Variants in HDAC5 observed in about 807,000 individuals in gnomAD.
The protein encoded by HDAC5 is antigen NY-CO-9.
In HDAC5, 25 loss-of-function variants were observed where a neutral mutation model predicts 133.3. The ratio of observed to expected loss-of-function variants is 0.19; its 90% CI spans 0.14 to 0.26. The LOEUF is 0.26. Ranked by LOEUF, HDAC5 falls within the 10% of genes least tolerant of loss-of-function variation. HDAC5 has a pLI of 1.00. For synonymous variants in HDAC5, 589 were observed against 610.8 expected, an observed-to-expected ratio of 0.96 and a Z score of 0.53; for missense variants, 1,041 against 1,460.5, an observed-to-expected ratio of 0.71 and a Z score of 4.68.
At position 44,083,435 on chromosome 17, in the gene HDAC5, G is replaced by A. The variant is rs546047108; in HGVS notation, c.2463+110C>T. 21 of 727,654 alleles carry A rather than the reference G, an allele frequency of 2.9e-5. No homozygotes were observed. The East Asian group carries it at 5.2e-4, about 18-fold the overall frequency. The allele number at this position is 727,654 out of a possible 1,614,324, so 45.1% of individuals were successfully genotyped here. ...TCCCACCCTGGTGCCTGAGAGTTGA[G>A]CTTGCAAAGGACAGTGCCTCACTGA... On this transcript the variant is annotated intron_variant, in intron 18 of 26. Coordinates refer to ENST00000682912, the MANE Select transcript of HDAC5 (RefSeq NM_005474.5).
intron 18 of HDAC5, 116 bp from the exon 19 acceptor site, chr17:44,082,936 G>C (rs1226458719): frequency 2.3e-6 from 2 of 861,542 alleles, no homozygotes; most frequent in Non-Finnish European, 3.8e-6. Context: ...CAGAAAAGCA[G>C]ATCCATATGT....
intron 23 of HDAC5, 78 bp from the exon 24 acceptor site, chr17:44,079,355 A>T: frequency 2.0e-6 from 3 of 1,489,658 alleles, no homozygotes; most frequent in East Asian, 4.6e-5. Context: ...AGAGGAGAGA[A>T]AAAAGGCCAG....
chr17:44,103,415 G>A (rs559892637), intron 3 of HDAC5, among the ~76,000 whole-genome samples: 5 of 152,196 alleles, frequency 3.3e-5, no homozygotes, highest in African/African-American at 1.2e-4. Context: ...TTGAGAGCAA[G>A]GGCTCTGGAG....
At position 44,080,437 on chromosome 17, in the gene HDAC5, G is replaced by T. The variant is rs1306889464; in HGVS notation, c.2789C>A (p.Pro930His). Residue 930 changes from proline (P) to histidine (H), a missense_variant, in exon 22 of 27, where the codon CCC becomes CAC. Transcript: ENST00000682912. Reference sequence around the variant, plus strand: ...AAGGTACTCCACGTCTCCAATGGGGGGGTCCACACCTCCTGTCCATGCCAC... The same window carrying T: ...AAGGTACTCCACGTCTCCAATGGGGTGGTCCACACCTCCTGTCCATGCCAC... ...VNVAWTGGVD[P>H]PIGDVEYLTA... 6.2e-7 allele frequency: 1 copy of T among 1,614,100 alleles called. No individual in the cohort carries two copies. Among genetic ancestry groups the T allele is most frequent in the African/African-American group, 1.3e-5 (1 of 75,014 alleles).
At chr17:44,092,315 G>A (rs746010476) in intron 8 of HDAC5, 31 bp from the exon 9 acceptor site, 2 of 1,613,160 alleles carry the variant, frequency 1.2e-6, no homozygotes, top group Admixed American at 3.3e-5. Context: ...ACCTGGGCCT[G>A]CTGTGAACTA....
At chr17:44,099,524 G>A (rs1466952910) in intron 3 of HDAC5, among the ~76,000 whole-genome samples, 2 of 151,786 alleles carry the variant, frequency 1.3e-5, no homozygotes, top group African/African-American at 4.8e-5. Flanking sequence ...GCCCAGGCTG[G>A]AGTGCAGTGG....
At chr17:44,116,458 G>A (rs889642035) in intron 2 of HDAC5, among the ~76,000 whole-genome samples, 4 of 152,214 alleles carry the variant, frequency 2.6e-5, no homozygotes, top group Non-Finnish European at 4.4e-5. Context: ...GGAAGAAAAT[G>A]TGGGGTGGTC....
chr17:44,104,239 G>A (rs1009102805), intron 3 of HDAC5, among the ~76,000 whole-genome samples: 5 of 152,014 alleles, frequency 3.3e-5, no homozygotes, highest in Admixed American at 1.3e-4. Flanking sequence ...CAGAGGCGGA[G>A]GTTGCAGTGA....
In HDAC5 at chr17:44,080,410, G is replaced by A. The variant is rs753824674; in HGVS notation, c.2816C>T (p.Thr939Ile). The change falls in exon 22 of 27, where the codon ACA becomes ATA. Residue 939 changes from threonine to isoleucine, a missense_variant. Transcript: ENST00000682912. ...CCTTTTCAGTCCCTACCTGAAGGCTGTAAGGTACTCCACGTCTCCAATGGG... is the reference window on the plus strand; with the variant it reads ...CCTTTTCAGTCCCTACCTGAAGGCTATAAGGTACTCCACGTCTCCAATGGG... ...DPPIGDVEYL[T>I]AFRTVVMPIA... 2 of 1,613,902 alleles carry A rather than the reference G, an allele frequency of 1.2e-6. No homozygotes were observed. The highest frequency in any genetic ancestry group is 3.3e-5 in the Admixed American group (2 of 60,030).
chr17:44,084,364 G>GC (rs1467526851), intron 16 of HDAC5, among the ~76,000 whole-genome samples, 191 bp downstream of exon 16: 1 of 152,160 alleles, frequency 6.6e-6, no homozygotes, highest in African/African-American at 2.4e-5. Context: ...CCTGCACCGC[G>GC]CCCCACAGCA....
rs747178526 is a variant in HDAC5 at position 44,080,816 on chromosome 17, G to A, written c.2674C>T (p.Leu892=). 2.5e-6 allele frequency: 4 copies of A among 1,614,214 alleles called. No homozygotes were observed. Among genetic ancestry groups the A allele is most frequent in the South Asian group, 1.1e-5 (1 of 91,084 alleles). ...YNDPSVLYIS[L]HRYDNGNFFP... ...AAGTTCCCGTTGTCATAGCGATGCA[G>A]AGAGATGTAGAGCACAGAGGGGTCA... The change falls in exon 21 of 27, where the codon CTG becomes TTG. Residue 892 remains leucine, a synonymous_variant. Transcript: ENST00000682912.
intron 11 of HDAC5, among the ~76,000 whole-genome samples, chr17:44,089,160 A>G (rs950923860): frequency 2.0e-5 from 3 of 152,222 alleles, no homozygotes; most frequent in Non-Finnish European, 4.4e-5. Context: ...ATGTGATATA[A>G]GTGTGAAGTA....
chr17:44,117,355 C>A lies in HDAC5; in HGVS notation c.22+139G>T. 3 of 976,546 alleles carry A rather than the reference C, an allele frequency of 3.1e-6. No individual in the cohort carries two copies. Among genetic ancestry groups the A allele is most frequent in the South Asian group, 2.7e-5 (2 of 74,032 alleles). 60.5% of individuals were successfully genotyped at this position (976,546 alleles called of 1,614,324 possible). ...GGTCTACCTCATGGGCCCTTTCTTG[C>A]AACACTTCTCCACTCCTTACCCCCT... On this transcript the variant is annotated intron_variant, in intron 2 of 26. Transcript: ENST00000682912. This position sits in a 1 kb window ranked among gnomAD's most constrained non-coding sequence, Gnocchi z 4.2.
In HDAC5 at chr17:44,110,754, A is replaced by G; in HGVS notation, c.69T>C (p.Thr23=). The change falls in exon 3 of 27, where the codon ACT becomes ACC. Residue 23 remains threonine, a synonymous_variant. Transcript: ENST00000682912. ...CTGTCACAGGGATGCTGTGCAGAGAAGTCCGCGGCAGGATTTCCAAGGATG... is the reference window on the plus strand; with the variant it reads ...CTGTCACAGGGATGCTGTGCAGAGAGGTCCGCGGCAGGATTTCCAAGGATG... ...REPSLEILPR[T]SLHSIPVTVE... 1 of 1,613,986 alleles carries G rather than the reference A, an allele frequency of 6.2e-7. No individual in the cohort carries two copies. The highest frequency in any genetic ancestry group is 8.5e-7 in the Non-Finnish European group (1 of 1,179,928).
intron 12 of HDAC5, 22 bp downstream of exon 12, chr17:44,088,365 C>T (rs1489129570): frequency 6.5e-7 from 1 of 1,545,532 alleles, no homozygotes; most frequent in African/African-American, 1.4e-5. Context: ...CAGCCCCAGG[C>T]CATTCACCTT....
chr17:44,109,947 G>A lies in HDAC5; in HGVS notation c.94+782C>T, dbSNP rs570566763. Among the ~76,000 whole-genome samples, 6 of 152,384 alleles carry A rather than the reference G, an allele frequency of 3.9e-5. No individual in the cohort carries two copies. The South Asian group carries it at 1.0e-3, about 26-fold the overall frequency. ...CTTGATGCTGCCAACAGGTTCCTGG[G>A]AGTGAGGGAAGGAGCGGCCCAGCTC... On this transcript the variant is annotated intron_variant, in intron 3 of 26. Transcript: ENST00000682912.
At chr17:44,086,460 T>C (rs2050654153) in intron 14 of HDAC5, 112 bp downstream of exon 14, 1 of 870,650 alleles carries the variant, frequency 1.1e-6, no homozygotes, top group South Asian at 6.2e-5. Flanking sequence ...TGTCCCCTCC[T>C]TTCAGGGTGC....
At chr17:44,081,106 G>A (rs2050368219) in intron 20 of HDAC5, among the ~76,000 whole-genome samples, 1 of 152,196 alleles carries the variant, frequency 6.6e-6, no homozygotes, top group Non-Finnish European at 1.5e-5. Context: ...AACTAGGTCT[G>A]AGCCTCTGTG....
chr17:44,122,227 C>G (rs1338352019), intron 1 of HDAC5, among the ~76,000 whole-genome samples: 2 of 152,106 alleles, frequency 1.3e-5, no homozygotes, highest in Non-Finnish European at 2.9e-5. Context: ...ACTGGGGAGA[C>G]TGAAGACCAT....
Sources: allele counts gnomAD v4.1 joint callset (sites outside exome capture counted in the v4.1 genomes callset), GRCh38; gene constraint gnomAD v4.1.1; non-coding constraint Gnocchi (gnomAD v3.1); transcripts MANE v1.5; gene names NCBI Gene and HGNC (gene_info 2026-07-23, HGNC 2026-07-21).